The following DNAJC4 variants were observed in gnomAD, a reference collection of about 807,000 sequenced individuals.
The protein encoded by DNAJC4 is DnaJ heat shock protein family (Hsp40) member C4.
A neutral mutation model predicts 26.8 loss-of-function variants in DNAJC4; 26 were observed. The observed-to-expected ratio is 0.97, with a 90% CI of 0.71 to 1.34. The LOEUF (loss-of-function observed/expected upper bound fraction) is 1.34. DNAJC4 is among the 40% of genes most tolerant of loss of function. The pLI is 0.00. For missense variants in DNAJC4, 342 were observed against 321.1 expected (o/e 1.07, Z -0.50); for synonymous variants, 134 against 127.8 (o/e 1.05, Z -0.33).
At chr11:64,230,516 T>C (rs1180604644), upstream of DNAJC4, 1 of 584,784 alleles carries the variant, frequency 1.7e-6, no homozygotes, top group Non-Finnish European at 3.2e-6. Context: ...GCCGCGGGTC[T>C]GTGAGCAGCG....
In DNAJC4 at chr11:64,232,880, C is replaced by A. The variant is rs199630430; in HGVS notation, c.527+15C>A. ...ATTGCCTTCAGGTGATGCCTGTTCT[C>A]CCCGGGGTGATGGGCAGAGGGCAGG... On this transcript the variant is annotated intron_variant, in intron 4 of 5. Transcript: ENST00000628077. 1 of 1,556,608 alleles carries A rather than the reference C, an allele frequency of 6.4e-7. No individual in the cohort carries two copies. The highest frequency in any genetic ancestry group is 8.7e-7 in the Non-Finnish European group (1 of 1,146,560).
chr11:64,230,432 G>A (rs750928306), upstream of DNAJC4: 7 of 510,776 alleles, frequency 1.4e-5, no homozygotes, highest in Non-Finnish European at 2.3e-5. Context: ...TTCCTGACAG[G>A]TGGACGTGGT....
chr11:64,234,023 A>G lies in DNAJC4; in HGVS notation c.614+43A>G. 3 of 1,613,896 alleles carry G rather than the reference A, an allele frequency of 1.9e-6. No individual in the cohort carries two copies. The highest frequency in any genetic ancestry group is 2.5e-6 in the Non-Finnish European group (3 of 1,179,998). Reference sequence around the variant, plus strand: ...TCTGCTCCCTGCTCCCTGTCCAGGAACCACACTTCGGGATCCCTATCCCAA... The same window carrying G: ...TCTGCTCCCTGCTCCCTGTCCAGGAGCCACACTTCGGGATCCCTATCCCAA... On this transcript the variant is annotated intron_variant, in intron 5 of 5. Transcript: ENST00000628077. The surrounding 1 kb of genome is among the most constrained non-coding windows in gnomAD (Gnocchi z 5.3).
chr11:64,234,069 C>G lies in DNAJC4; in HGVS notation c.615-4C>G. ...CCCAACCACCCAGGTGCCCTCTCCTCCAGGGCCAACAGAGGCATCCTTCAG... is the reference window on the plus strand; with the variant it reads ...CCCAACCACCCAGGTGCCCTCTCCTGCAGGGCCAACAGAGGCATCCTTCAG... On this transcript the variant is annotated splice_region_variant and splice_polypyrimidine_tract_variant and intron_variant, in intron 5 of 5. Coordinates refer to ENST00000628077, the MANE Select transcript of DNAJC4 (RefSeq NM_005528.4). This position sits in a 1 kb window ranked among gnomAD's most constrained non-coding sequence, Gnocchi z 5.3. 2 of 1,613,148 alleles carry G rather than the reference C, an allele frequency of 1.2e-6. No homozygotes were observed. The highest frequency in any genetic ancestry group is 8.5e-7 in the Non-Finnish European group (1 of 1,179,854).
rs898034983 is a variant in DNAJC4 at position 64,232,307 on chromosome 11, T to C, written c.181-123T>C. 1.0e-5 allele frequency: 13 copies of C among 1,265,178 alleles called. No individual in the cohort carries two copies. In the African/African-American group the frequency reaches 1.5e-4, roughly 15 times the overall value. 78.4% of individuals were successfully genotyped at this position (1,265,178 alleles called of 1,614,324 possible). On this transcript the variant is annotated intron_variant, in intron 2 of 5. Transcript: ENST00000628077. ...CTTCTGAGGAGTGGGCAGGCCTGAG[T>C]GAGGGTCACTGACCAGGCAGGGCCT... is the stretch of plus-strand genomic sequence containing the variant.
chr11:64,234,005 C>A lies in DNAJC4; in HGVS notation c.614+25C>A. The A allele has an allele frequency of 6.2e-7, 1 of 1,614,060 alleles. No homozygotes were observed. Among genetic ancestry groups the A allele is most frequent in the African/African-American group, 1.3e-5 (1 of 75,074 alleles). ...GGTCTGTCCCTGCTCTATTCTGCTC[C>A]CTGCTCCCTGTCCAGGAACCACACT... is the stretch of plus-strand genomic sequence containing the variant. On this transcript the variant is annotated intron_variant, in intron 5 of 5. Transcript: ENST00000628077. The surrounding 1 kb of genome is among the most constrained non-coding windows in gnomAD (Gnocchi z 5.3).
chr11:64,231,499 G>A lies in DNAJC4; in HGVS notation c.87-372G>A, dbSNP rs569467586. Reference sequence around the variant, plus strand: ...TGGGATTACGGGCATGCACCACCACGCCCGGCTAATTTTGTATTTTTAGGA... The same window carrying A: ...TGGGATTACGGGCATGCACCACCACACCCGGCTAATTTTGTATTTTTAGGA... On this transcript the variant is annotated intron_variant, in intron 1 of 5. Transcript: ENST00000628077. 30 of 212,048 alleles carry A rather than the reference G, an allele frequency of 1.4e-4. No homozygotes were observed. In the East Asian group the frequency reaches 3.2e-3, roughly 23 times the overall value. 13.1% of individuals were successfully genotyped at this position (212,048 alleles called of 1,614,324 possible). A position where few individuals can be genotyped will look rare whatever the true frequency, so the allele number is the denominator to read the frequency against.
Position 64,234,135 on chromosome 11 carries a change from C to G in DNAJC4, c.677C>G (p.Ser226Cys). 1 of 1,597,700 alleles carries G rather than the reference C, an allele frequency of 6.3e-7. No individual in the cohort carries two copies. The highest frequency in any genetic ancestry group is 8.5e-7 in the Non-Finnish European group (1 of 1,174,216). The change falls in exon 6 of 6, where the codon TCC (serine) becomes TGC (cysteine). Residue 226 changes from serine (S) to cysteine (C), a missense_variant. Ser to Cys is a moderately radical substitution (Grantham distance 112, BLOSUM62 -1). Transcript: ENST00000628077. This position sits in a 1 kb window ranked among gnomAD's most constrained non-coding sequence, Gnocchi z 5.3. The stretch of plus-strand genomic sequence containing the variant: ...CTAGGGCAGCGGCAGCCGCCACCAT[C>G]CGAGCCAACCCAAGGCCCCGAGATC... ...QRLGQRQPPP[S>C]EPTQGPEIVP...
chr11:64,231,088 A>G, intron 1 of DNAJC4, 148 bp downstream of exon 1: 1 of 1,067,680 alleles, frequency 9.4e-7, no homozygotes, highest in Non-Finnish European at 1.4e-6. Context: ...GATCAGAGAT[A>G]GAGAAGACCC....
intron 2 of DNAJC4, 161 bp from the exon 3 acceptor site, chr11:64,232,269 C>T (rs1475438005): frequency 1.1e-5 from 10 of 928,386 alleles, no homozygotes; most frequent in Non-Finnish European, 1.6e-5. Flanking sequence ...AGCAGGAGTC[C>T]ATGCTCTCTG....
intron 1 of DNAJC4, 80 bp from the exon 2 acceptor site, chr11:64,231,791 A>G: frequency 7.3e-7 from 1 of 1,368,004 alleles, no homozygotes; most frequent in South Asian, 1.2e-5. Context: ...GGCTGAGTTG[A>G]AGGGTGTGGC....
At chr11:64,233,405 G>C (rs1413311109) in intron 4 of DNAJC4, 1 of 161,246 alleles carries the variant, frequency 6.2e-6, no homozygotes, top group East Asian at 1.8e-4. Context: ...CACCCGGCTA[G>C]TTGTTTTGTA....
Position 64,230,888 on chromosome 11 carries a change from C to T in DNAJC4, c.34C>T (p.Leu12=). The change falls in exon 1 of 6, where the codon CTG becomes TTG. Residue 12 remains leucine (L), a synonymous_variant. Transcript: ENST00000628077. ...CTTACTGCCCCTGCGCCTGTGCCGG[C>T]TGTGGCCCCGCAACCCTCCCTCCCG... ...PPLLPLRLCR[L]WPRNPPSRLL... 6 of 1,595,692 alleles carry T rather than the reference C, an allele frequency of 3.8e-6. No individual in the cohort carries two copies. The highest frequency in any genetic ancestry group is 2.3e-5 in the East Asian group (1 of 44,254).
At chr11:64,232,179 C>G in intron 2 of DNAJC4, 1 of 710,500 alleles carries the variant, frequency 1.4e-6, no homozygotes, top group South Asian at 1.8e-5. Context: ...GACCTGCCTG[C>G]CTGCTCTTGA....
In DNAJC4 at chr11:64,232,442, C is replaced by A; in HGVS notation, c.193C>A (p.Arg65=). ...TGCCCCACCCCAGCTGCACCCAGAC[C>A]GGGACCCTGGGAACCCAAGCCTGCA... ...FSKSKELHPD[R]DPGNPSLHSR... is the part of the protein sequence containing the mutation. The change falls in exon 3 of 6, where the codon CGG becomes AGG. Residue 65 remains arginine, a synonymous_variant. Coordinates refer to ENST00000628077, the MANE Select transcript of DNAJC4 (RefSeq NM_005528.4). The A allele has an allele frequency of 6.3e-7, 1 of 1,590,174 alleles. No homozygotes were observed. Among genetic ancestry groups the A allele is most frequent in the Non-Finnish European group, 8.6e-7 (1 of 1,164,820 alleles).
intron 4 of DNAJC4, 52 bp downstream of exon 4, chr11:64,232,917 A>G: frequency 6.6e-7 from 1 of 1,505,772 alleles, no homozygotes; most frequent in Non-Finnish European, 8.9e-7. Context: ...GGGTGGGTGA[A>G]TTCCAGTGTG....
chr11:64,234,038 C>T lies in DNAJC4; in HGVS notation c.615-35C>T. On this transcript the variant is annotated intron_variant, in intron 5 of 5. Transcript: ENST00000628077. This position sits in a 1 kb window ranked among gnomAD's most constrained non-coding sequence, Gnocchi z 5.3. ...CTGTCCAGGAACCACACTTCGGGAT[C>T]CCTATCCCAACCACCCAGGTGCCCT... is the stretch of plus-strand genomic sequence containing the variant. 1 of 1,613,824 alleles carries T rather than the reference C, an allele frequency of 6.2e-7. No individual in the cohort carries two copies. Among genetic ancestry groups the T allele is most frequent in the African/African-American group, 1.3e-5 (1 of 75,070 alleles).
chr11:64,234,034 G>A lies in DNAJC4; in HGVS notation c.615-39G>A. ...CTCCCTGTCCAGGAACCACACTTCGGGATCCCTATCCCAACCACCCAGGTG... is the reference window on the plus strand; with the variant it reads ...CTCCCTGTCCAGGAACCACACTTCGAGATCCCTATCCCAACCACCCAGGTG... On this transcript the variant is annotated intron_variant, in intron 5 of 5. Transcript: ENST00000628077. The surrounding 1 kb of genome is among the most constrained non-coding windows in gnomAD (Gnocchi z 5.3). 6.2e-7 allele frequency: 1 copy of A among 1,613,844 alleles called. No homozygotes were observed. Among genetic ancestry groups the A allele is most frequent in the Non-Finnish European group, 8.5e-7 (1 of 1,180,012 alleles).
chr11:64,231,620 G>A (rs1172863761), intron 1 of DNAJC4: 4 of 438,402 alleles, frequency 9.1e-6, no homozygotes, highest in East Asian at 3.8e-5. Context: ...GATTACAGGC[G>A]TGAGCCACCG....
Sources: allele counts gnomAD v4.1 joint callset, GRCh38; gene constraint gnomAD v4.1.1; non-coding constraint Gnocchi (gnomAD v3.1); transcripts MANE v1.5; gene names NCBI Gene and HGNC (gene_info 2026-07-23, HGNC 2026-07-21).